The following GPM6A variants were observed in gnomAD, a reference collection of about 807,000 sequenced individuals.
GPM6A encodes the protein neuronal membrane glycoprotein M6-a.
A neutral mutation model predicts 32.1 loss-of-function variants in GPM6A; 7 were observed. The observed-to-expected ratio is 0.22, with a 90% CI of 0.12 to 0.41. The LOEUF (loss-of-function observed/expected upper bound fraction) is 0.41, where lower values mean the gene tolerates loss of function less well. GPM6A is among the 10% of genes least tolerant of loss of function. The probability of loss-of-function intolerance (pLI) is 1.00; values close to 1 mark genes in which losing one functional copy is unlikely to be tolerated. For missense variants in GPM6A, 235 were observed against 347.2 expected, an observed-to-expected ratio of 0.68 and a Z score of 2.57; for synonymous variants, 130 against 123.4, an observed-to-expected ratio of 1.05 and a Z score of -0.35.
At chr4:175,984,318 A>T (rs930786970) in intron 1 of GPM6A, among the ~76,000 whole-genome samples, 2 of 151,948 alleles carry the variant, frequency 1.3e-5, no homozygotes, top group Non-Finnish European at 2.9e-5. Flanking sequence ...GCGTTCCACC[A>T]CGCCCGGCTA....
chr4:175,981,384 T>C (rs1740811281), intron 1 of GPM6A, among the ~76,000 whole-genome samples: 1 of 152,170 alleles, frequency 6.6e-6, no homozygotes, highest in South Asian at 2.1e-4. Flanking sequence ...TTTTCATAAA[T>C]TGTCTTGTCC....
intron 1 of GPM6A, among the ~76,000 whole-genome samples, chr4:175,835,764 A>G (rs1185770088): frequency 6.8e-6 from 1 of 147,422 alleles, no homozygotes; most frequent in Admixed American, 6.8e-5. Context: ...AATTATATTT[A>G]CTAACATTAT....
chr4:175,833,524 C>T (rs17062130), intron 1 of GPM6A, among the ~76,000 whole-genome samples: 39,725 of 152,032 alleles, frequency 0.26, 5,213 homozygotes, highest in East Asian at 0.37. Flanking sequence ...CAGGTAACTT[C>T]TTTGGAATAA....
intron 1 of GPM6A, among the ~76,000 whole-genome samples, chr4:175,979,792 A>T (rs1740769824): frequency 6.6e-6 from 1 of 152,200 alleles, no homozygotes; most frequent in African/African-American, 2.4e-5. Flanking sequence ...TGATAGCTTT[A>T]TTCTATTTAC....
chr4:175,941,500 A>G (rs1579647776), intron 1 of GPM6A, among the ~76,000 whole-genome samples: 1 of 152,256 alleles, frequency 6.6e-6, no homozygotes, highest in East Asian at 1.9e-4. Context: ...TCAACCTGTC[A>G]TCTACATTAG....
At chr4:175,684,810 A>T (rs1743882382) in intron 2 of GPM6A, among the ~76,000 whole-genome samples, 1 of 152,000 alleles carries the variant, frequency 6.6e-6, no homozygotes. Flanking sequence ...GTAAGATTAG[A>T]TCTCTCATAG....
intron 1 of GPM6A, among the ~76,000 whole-genome samples, chr4:175,834,801 T>G (rs1735715231): frequency 6.6e-6 from 1 of 152,216 alleles, no homozygotes; most frequent in Non-Finnish European, 1.5e-5. Context: ...AAGCCTTCCT[T>G]AATCTTTTGC....
chr4:175,666,566 C>G (rs1162131302), intron 3 of GPM6A, among the ~76,000 whole-genome samples: 1 of 152,156 alleles, frequency 6.6e-6, no homozygotes, highest in East Asian at 1.9e-4. Flanking sequence ...AATAGAGGCA[C>G]TCATCAACCT....
At chr4:175,714,673 C>T (rs1745742863) in intron 1 of GPM6A, among the ~76,000 whole-genome samples, 1 of 151,946 alleles carries the variant, frequency 6.6e-6, no homozygotes, top group Non-Finnish European at 1.5e-5. Flanking sequence ...ACATGAAAGC[C>T]TATTTATTAT....
chr4:175,705,726 C>G (rs970649435), intron 1 of GPM6A, among the ~76,000 whole-genome samples: 1 of 152,036 alleles, frequency 6.6e-6, no homozygotes, highest in Non-Finnish European at 1.5e-5. Context: ...CCCAGTACCA[C>G]GTTTTCACTG....
chr4:175,930,987 A>G (rs1191798019), intron 1 of GPM6A, among the ~76,000 whole-genome samples: 1 of 152,152 alleles, frequency 6.6e-6, no homozygotes, highest in Non-Finnish European at 1.5e-5. Flanking sequence ...TCTTCCTAGC[A>G]AAGTGCCAAA....
chr4:175,807,206 G>A (rs1734729924), intron 1 of GPM6A: 1 of 152,084 alleles, frequency 6.6e-6, no homozygotes, highest in Non-Finnish European at 1.5e-5. Context: ...CAATGATTTA[G>A]GGACGAATTT....
At chr4:175,668,010 G>A (rs371565330) in intron 3 of GPM6A, among the ~76,000 whole-genome samples, 32 of 152,180 alleles carry the variant, frequency 2.1e-4, no homozygotes, top group African/African-American at 7.2e-4. Flanking sequence ...ATTTCTGGCT[G>A]TTGTAAGTCT....
chr4:175,640,655 G>A (rs1406505977), intron 5 of GPM6A, 98 bp downstream of exon 5: 1 of 836,930 alleles, frequency 1.2e-6, no homozygotes, highest in African/African-American at 1.7e-5. Flanking sequence ...ATAGAATAAA[G>A]GGAAAAGTCA....
chr4:175,919,263 T>C (rs1174124495), intron 1 of GPM6A, among the ~76,000 whole-genome samples: 1 of 152,140 alleles, frequency 6.6e-6, no homozygotes, highest in African/African-American at 2.4e-5. Flanking sequence ...TATAATGAGT[T>C]TTTTTGAGGT....
At chr4:175,653,421 T>C (rs760252010) in intron 3 of GPM6A, among the ~76,000 whole-genome samples, 2 of 152,262 alleles carry the variant, frequency 1.3e-5, no homozygotes, top group Middle Eastern at 3.4e-3. Flanking sequence ...GTCTCTACTA[T>C]GAAATGCTAA....
intron 1 of GPM6A, among the ~76,000 whole-genome samples, chr4:175,865,885 A>G (rs1251266054): frequency 6.6e-6 from 1 of 152,154 alleles, no homozygotes; most frequent in Non-Finnish European, 1.5e-5. Context: ...TTTGTGTGGA[A>G]CTGGCGTTAC....
chr4:175,988,266 G>A (rs1741038598), intron 1 of GPM6A, among the ~76,000 whole-genome samples: 1 of 151,926 alleles, frequency 6.6e-6, no homozygotes, highest in Non-Finnish European at 1.5e-5. Flanking sequence ...CCAACAACTT[G>A]GCAATTAATC....
intron 1 of GPM6A, among the ~76,000 whole-genome samples, chr4:175,733,816 C>T (rs1731536594): frequency 6.6e-6 from 1 of 152,108 alleles, no homozygotes. Flanking sequence ...AGGCGCTTAG[C>T]CATGCTTTAA....
Sources: allele counts gnomAD v4.1 joint callset (sites outside exome capture counted in the v4.1 genomes callset), GRCh38; gene constraint gnomAD v4.1.1; transcripts MANE v1.5; gene names NCBI Gene and HGNC (gene_info 2026-07-23, HGNC 2026-07-21).